WWOX: variants seen among roughly 807,000 people sequenced by gnomAD.
The protein encoded by WWOX is WW domain-containing oxidoreductase.
A neutral mutation model predicts 46.2 loss-of-function variants in WWOX; 69 were observed. That is an observed-to-expected ratio of 1.49 (90% CI 1.23 to 1.82). WWOX has a LOEUF of 1.82. WWOX is among the 40% of genes most tolerant of loss of function. The probability of loss-of-function intolerance (pLI) is 0.00; values close to 1 mark genes in which losing one functional copy is unlikely to be tolerated. For synonymous variants in WWOX, 359 were observed against 202.6 expected (o/e 1.77, Z -6.56); for missense variants, 919 against 542.6 (o/e 1.69, Z -6.89).
rs56803717 is a variant in WWOX, at chr16:78,528,165, A to ATTTTTTTTTT, written c.1056+95426_1056+95435dup. Among the ~76,000 whole-genome samples the ATTTTTTTTTT allele has an allele frequency of 3.1e-4, 18 of 58,400 alleles. 3 individuals are homozygous for ATTTTTTTTTT. Among genetic ancestry groups the ATTTTTTTTTT allele is most frequent in the African/African-American group, 1.4e-3 (17 of 11,962 alleles). 38.3% of individuals were successfully genotyped at this position (58,400 alleles called of 152,430 possible). ...AGGTGCCCGCCACCACACCTGGCTA[A>ATTTTTTTTTT]TTTTTTTTTTTTTTTTTTTTTTGCA... On this transcript the variant is annotated intron_variant, in intron 8 of 8. Transcript: ENST00000566780.
At chr16:78,735,681 C>T (rs1260299163) in intron 8 of WWOX, among the ~76,000 whole-genome samples, 1 of 152,202 alleles carries the variant, frequency 6.6e-6, no homozygotes, top group East Asian at 1.9e-4. Context: ...CCTGGCGTCA[C>T]CACGGCCACC....
At chr16:78,718,686 C>T (rs140125421) in intron 8 of WWOX, among the ~76,000 whole-genome samples, 1 of 151,936 alleles carries the variant, frequency 6.6e-6, no homozygotes, top group African/African-American at 2.4e-5. Context: ...CCAGCCTGGC[C>T]AACATAGTGA....
intron 5 of WWOX, among the ~76,000 whole-genome samples, chr16:78,362,391 C>T (rs567730178): frequency 5.5e-4 from 83 of 152,278 alleles, no homozygotes; most frequent in Middle Eastern, 3.4e-3. Context: ...GGGTGGATCA[C>T]CTGATGATAG....
chr16:79,038,767 C>G (rs951416583), intron 8 of WWOX, among the ~76,000 whole-genome samples: 3 of 152,156 alleles, frequency 2.0e-5, no homozygotes, highest in Non-Finnish European at 4.4e-5. Context: ...CCAGACTGCT[C>G]TTGAATTCCT....
chr16:78,920,749 C>A (rs1225429706), intron 8 of WWOX, among the ~76,000 whole-genome samples: 1 of 152,128 alleles, frequency 6.6e-6, no homozygotes, highest in Non-Finnish European at 1.5e-5. Context: ...AGCACCATTT[C>A]ATCTGCAAAA....
intron 8 of WWOX, among the ~76,000 whole-genome samples, chr16:78,478,816 TTTTA>T (rs1473198209): frequency 2.6e-5 from 4 of 152,190 alleles, no homozygotes; most frequent in East Asian, 3.9e-4. Flanking sequence ...TAAATTTATT[TTTTA>T]TTTATTTATT....
At chr16:78,141,026 T>C (rs1041591600) in intron 4 of WWOX, among the ~76,000 whole-genome samples, 7 of 152,216 alleles carry the variant, frequency 4.6e-5, no homozygotes, top group Admixed American at 3.9e-4. Flanking sequence ...CAGCTTACTT[T>C]CTTATGGAGC....
chr16:78,524,471 A>G (rs2043415932), intron 8 of WWOX, among the ~76,000 whole-genome samples: 1 of 151,886 alleles, frequency 6.6e-6, no homozygotes, highest in African/African-American at 2.4e-5. Flanking sequence ...CCCAAGCTGG[A>G]GTGCAGTGGC....
chr16:78,502,375 A>G (rs1377211085), intron 8 of WWOX, among the ~76,000 whole-genome samples: 2 of 152,080 alleles, frequency 1.3e-5, no homozygotes, highest in African/African-American at 4.8e-5. Context: ...CCACTAACCA[A>G]TCTACTTGCT....
intron 1 of WWOX, chr16:78,100,097 T>G: frequency 3.7e-6 from 5 of 1,367,994 alleles, no homozygotes; most frequent in Non-Finnish European, 3.8e-6. Context: ...ACCTGGTGGC[T>G]TCCCGGCGCG....
intron 5 of WWOX, among the ~76,000 whole-genome samples, chr16:78,164,586 T>A (rs1423049030): frequency 6.6e-6 from 1 of 152,232 alleles, no homozygotes; most frequent in African/African-American, 2.4e-5. Flanking sequence ...CGCCCATGAT[T>A]GCAACTAGGA....
At chr16:78,399,996 C>T (rs2151943228) in intron 6 of WWOX, among the ~76,000 whole-genome samples, 1 of 152,288 alleles carries the variant, frequency 6.6e-6, no homozygotes, top group East Asian at 1.9e-4. Flanking sequence ...TTTAGTTGAG[C>T]TACTTGTCAC....
At chr16:78,885,931 T>TTTG (rs994587809) in intron 8 of WWOX, among the ~76,000 whole-genome samples, 9 of 150,066 alleles carry the variant, frequency 6.0e-5, no homozygotes, top group African/African-American at 9.8e-5. Flanking sequence ...GGAATTTTTT[T>TTTG]TTTTTTTTTT....
chr16:78,388,038 G>A (rs1478081124), intron 6 of WWOX, among the ~76,000 whole-genome samples: 1 of 152,084 alleles, frequency 6.6e-6, no homozygotes, highest in Non-Finnish European at 1.5e-5. Context: ...CCACACTGCT[G>A]TCTAGTGTCC....
Position 78,425,087 on chromosome 16 carries a change from C to G in WWOX, c.791+32C>G, listed in dbSNP as rs775807907. The stretch of plus-strand genomic sequence containing the variant: ...TTGAATTGCATATTTGTTCACTTAT[C>G]CCCTTTCTCATACCAGCTAATATTC... On this transcript the variant is annotated intron_variant, in intron 7 of 8. Transcript: ENST00000566780. 3.7e-6 allele frequency: 6 copies of G among 1,611,156 alleles called. No individual in the cohort carries two copies. The East Asian group carries it at 6.7e-5, about 18-fold the overall frequency.
At chr16:78,590,939 A>G (rs2045336200) in intron 8 of WWOX, among the ~76,000 whole-genome samples, 1 of 152,188 alleles carries the variant, frequency 6.6e-6, no homozygotes, top group South Asian at 2.1e-4. Flanking sequence ...CTGCACACGT[A>G]TGGAGGAGTA....
At chr16:78,161,911 C>G (rs1235988676) in intron 4 of WWOX, among the ~76,000 whole-genome samples, 2 of 152,136 alleles carry the variant, frequency 1.3e-5, no homozygotes, top group South Asian at 2.1e-4. Context: ...TTACTCACCT[C>G]CTAGGTTAAG....
chr16:79,188,027 T>G (rs2051054531), intron 8 of WWOX, among the ~76,000 whole-genome samples: 1 of 152,212 alleles, frequency 6.6e-6, no homozygotes, highest in Non-Finnish European at 1.5e-5. Context: ...AAACACAAAT[T>G]CCTTCTCCCA....
intron 5 of WWOX, among the ~76,000 whole-genome samples, chr16:78,272,611 C>G (rs760757643): frequency 2.6e-5 from 4 of 152,150 alleles, no homozygotes; most frequent in African/African-American, 4.8e-5. Flanking sequence ...TAGCATCTCC[C>G]TCATTACCTA....
Sources: gnomAD v4.1 joint callset for allele counts (sites outside exome capture counted in the v4.1 genomes callset) on GRCh38, gnomAD v4.1.1 for gene constraint, MANE v1.5 for transcripts, NCBI Gene and HGNC (gene_info 2026-07-23, HGNC 2026-07-21) for gene names.